Variants in CFAP44 observed in about 807,000 individuals in gnomAD.
CFAP44 encodes the protein cilia- and flagella-associated protein 44.
Under a neutral mutation model 216.2 loss-of-function variants are expected in CFAP44, and 134 were observed. The observed-to-expected ratio is 0.62, with a 90% CI of 0.54 to 0.72. CFAP44 has a LOEUF of 0.72. Among genes scored for constraint, CFAP44 ranks in the 30% least tolerant of loss-of-function variants. CFAP44 has a pLI of 0.00. For synonymous variants in CFAP44, 700 were observed against 727.6 expected, an observed-to-expected ratio of 0.96 and a Z score of 0.61; for missense variants, 2,035 against 2,182.1, an observed-to-expected ratio of 0.93 and a Z score of 1.34.
chr3:113,419,901 G>C, intron 5 of CFAP44, 116 bp downstream of exon 5: 1 of 1,062,606 alleles, frequency 9.4e-7, no homozygotes, highest in South Asian at 1.9e-5. Flanking sequence ...TGCATCTCAT[G>C]TGAACCCACA....
At chr3:113,425,048 G>GA (rs948488555) in intron 4 of CFAP44, among the ~76,000 whole-genome samples, 2 of 151,030 alleles carry the variant, frequency 1.3e-5, no homozygotes, top group East Asian at 1.9e-4. Flanking sequence ...TCCCATTTGG[G>GA]AAAAAAAGGC....
At position 113,427,050 on chromosome 3, in the gene CFAP44, G is replaced by GT; in HGVS notation, c.253+136dup. ...CTGCTAAAGTACCCTACCAAAATAT[G>GT]TACTTGTCCTTTTATCATTCCCACA... is the stretch of plus-strand genomic sequence containing the variant. On this transcript the variant is annotated intron_variant, in intron 3 of 34. Coordinates refer to ENST00000393845, the MANE Select transcript of CFAP44 (RefSeq NM_001164496.2). 20 of 954,760 alleles carry GT rather than the reference G, an allele frequency of 2.1e-5. No individual in the cohort carries two copies. The South Asian group carries it at 3.2e-4, about 15-fold the overall frequency. The allele number at this position is 954,760 out of a possible 1,614,324, so 59.1% of individuals were successfully genotyped here.
intron 32 of CFAP44, among the ~76,000 whole-genome samples, chr3:113,300,074 T>C (rs1379323151): frequency 3.3e-5 from 5 of 152,176 alleles, no homozygotes; most frequent in African/African-American, 1.2e-4. Flanking sequence ...TGTATGGATC[T>C]GAAGTCATTA....
rs376708807 is a variant in CFAP44 at position 113,357,000 on chromosome 3, C to G, written c.3065+1745G>C. ...AAAATAACTCATGTATATAAATAAC[C>G]AAAGCTCATATCCAGAAGATATACA... On this transcript the variant is annotated intron_variant, in intron 22 of 34. Coordinates refer to ENST00000393845, the MANE Select transcript of CFAP44 (RefSeq NM_001164496.2). Among the ~76,000 whole-genome samples the G allele has an allele frequency of 2.6e-5, 4 of 152,022 alleles. No individual in the cohort carries two copies. In the East Asian group the frequency reaches 7.7e-4, roughly 29 times the overall value.
chr3:113,394,004 C>T (rs1046074676), intron 15 of CFAP44, among the ~76,000 whole-genome samples: 2 of 152,168 alleles, frequency 1.3e-5, no homozygotes, highest in African/African-American at 2.4e-5. Flanking sequence ...TATAGCCATA[C>T]AAATAAACTA....
rs184213667 is a variant in CFAP44, at chr3:113,418,195, C to A, written c.571-1568G>T. On this transcript the variant is annotated intron_variant, in intron 5 of 34. Coordinates refer to ENST00000393845, the MANE Select transcript of CFAP44 (RefSeq NM_001164496.2). Reference sequence around the variant, plus strand: ...CTCTGCCTCCCAGGCTCAAGCAATTCTCGTGCCTCAGCCTCCCAAGTAGCT... The same window carrying A: ...CTCTGCCTCCCAGGCTCAAGCAATTATCGTGCCTCAGCCTCCCAAGTAGCT... Among the ~76,000 whole-genome samples the A allele has an allele frequency of 3.3e-5, 5 of 152,132 alleles. No individual in the cohort carries two copies. In the South Asian group the frequency reaches 8.3e-4, roughly 25 times the overall value.
chr3:113,367,403 C>T (rs556440488), intron 18 of CFAP44, among the ~76,000 whole-genome samples: 19 of 152,260 alleles, frequency 1.2e-4, no homozygotes, highest in South Asian at 4.2e-4. Context: ...CAATATTTGC[C>T]ATTCTGCAGC....
intron 2 of CFAP44, chr3:113,427,569 C>T (rs1205805650): frequency 2.5e-6 from 1 of 402,132 alleles, no homozygotes; most frequent in African/African-American, 2.1e-5. Flanking sequence ...TATTTCCTAT[C>T]ATTAAATACT....
chr3:113,421,630 T>C (rs1490486195), intron 4 of CFAP44, among the ~76,000 whole-genome samples: 1 of 152,212 alleles, frequency 6.6e-6, no homozygotes, highest in Non-Finnish European at 1.5e-5. Context: ...ATGTGGCATA[T>C]ATACACCATG....
At position 113,329,695 on chromosome 3, in the gene CFAP44, A is replaced by G. The variant is rs1409031589; in HGVS notation, c.4116+473T>C. ...TAGTCGCCATTCCAGCTCCAGAACA[A>G]TCTCAAACCCAGTAATCACCATAAA... On this transcript the variant is annotated intron_variant, in intron 26 of 34. Coordinates refer to ENST00000393845, the MANE Select transcript of CFAP44 (RefSeq NM_001164496.2). Among the ~76,000 whole-genome samples, 4 of 152,308 alleles carry G rather than the reference A, an allele frequency of 2.6e-5. No individual in the cohort carries two copies. The East Asian group carries it at 7.7e-4, about 29-fold the overall frequency.
chr3:113,397,564 G>C (rs1934022899), intron 13 of CFAP44, among the ~76,000 whole-genome samples: 1 of 152,204 alleles, frequency 6.6e-6, no homozygotes, highest in Non-Finnish European at 1.5e-5. Flanking sequence ...GAGGTGGTTT[G>C]GATAGGATGC....
intron 23 of CFAP44, among the ~76,000 whole-genome samples, chr3:113,342,967 G>C (rs73235065): frequency 0.19 from 28,044 of 150,504 alleles, 3,140 homozygotes; most frequent in East Asian, 0.42. Flanking sequence ...GTGGGGAACA[G>C]AGAGAGACTC....
rs571723045 is a variant in CFAP44, at chr3:113,395,589, C to A, written c.1890+161G>T. On this transcript the variant is annotated intron_variant, in intron 15 of 34. Transcript: ENST00000393845. ...TCCTGAGTGATGCTCTACGGGCCAACCCCAGCAGCAGCCACCTGAGCTTTC... is the reference window on the plus strand; with the variant it reads ...TCCTGAGTGATGCTCTACGGGCCAAACCCAGCAGCAGCCACCTGAGCTTTC... 3.9e-5 allele frequency among the ~76,000 whole-genome samples: 6 copies of A among 152,282 alleles called. No homozygotes were observed. In the East Asian group the frequency reaches 1.2e-3, roughly 29 times the overall value.
chr3:113,331,156 T>C (rs963287872), intron 25 of CFAP44, among the ~76,000 whole-genome samples: 3 of 152,192 alleles, frequency 2.0e-5, no homozygotes, highest in African/African-American at 7.2e-5. Flanking sequence ...ATGATTATTG[T>C]TAGTCCTTGT....
chr3:113,301,488 T>C (rs989913839), intron 32 of CFAP44, among the ~76,000 whole-genome samples: 1 of 152,152 alleles, frequency 6.6e-6, no homozygotes, highest in Non-Finnish European at 1.5e-5. Context: ...ACTGCTTATA[T>C]GTATGTTCCA....
chr3:113,378,746 C>G (rs1576579997), intron 17 of CFAP44, among the ~76,000 whole-genome samples: 1 of 152,228 alleles, frequency 6.6e-6, no homozygotes, highest in Middle Eastern at 3.4e-3. Flanking sequence ...GTACTTTCTT[C>G]CTAATATCCA....
chr3:113,340,888 T>C (rs966618017), intron 24 of CFAP44, among the ~76,000 whole-genome samples: 1 of 152,164 alleles, frequency 6.6e-6, no homozygotes, highest in African/African-American at 2.4e-5. Flanking sequence ...AGAGTGGAAG[T>C]AGCTCTCCAC....
chr3:113,401,623 T>C lies in CFAP44; in HGVS notation c.1287A>G (p.Ile429Met), dbSNP rs971725838. The C allele has an allele frequency of 3.1e-6, 5 of 1,613,406 alleles. No individual in the cohort carries two copies. Among genetic ancestry groups the C allele is most frequent in the Non-Finnish European group, 4.2e-6 (5 of 1,179,714 alleles). Reference sequence around the variant, plus strand: ...AGTTATTTCCAGTTTCATTCATTTTTATCATAGAGAAGAGATTCACATTCT... The same window carrying C: ...AGTTATTTCCAGTTTCATTCATTTTCATCATAGAGAAGAGATTCACATTCT... ...VDKNVNLFSMIKMNETGNNFW... is the reference protein window; with the variant it reads ...VDKNVNLFSMMKMNETGNNFW... Residue 429 changes from isoleucine to methionine, a missense_variant, in exon 10 of 35, where the codon ATA (isoleucine) becomes ATG (methionine). Ile to Met is a conservative substitution (Grantham distance 10). Transcript: ENST00000393845.
chr3:113,433,621 A>C lies in CFAP44; in HGVS notation c.44T>G (p.Val15Gly). 6.2e-7 allele frequency: 1 copy of C among 1,613,328 alleles called. No homozygotes were observed. Among genetic ancestry groups the C allele is most frequent in the Non-Finnish European group, 8.5e-7 (1 of 1,179,872 alleles). Reference sequence around the variant, plus strand: ...CTTCTTCCCATCACTCTTTGATGTAACTGATTTCTCCCCATCAGTATCCTG... The same window carrying C: ...CTTCTTCCCATCACTCTTTGATGTACCTGATTTCTCCCCATCAGTATCCTG... ...DDQDTDGEKSVTSKSDGKKSL... is the reference protein window; with the variant it reads ...DDQDTDGEKSGTSKSDGKKSL... Residue 15 changes from valine (V) to glycine (G), a missense_variant, in exon 2 of 35, where the codon GTT becomes GGT. This residue lies in a region of CFAP44 where 149 missense variants were observed against 141.8 expected (regional missense o/e 1.05). Coordinates refer to ENST00000393845, the MANE Select transcript of CFAP44 (RefSeq NM_001164496.2).
Sources: gnomAD v4.1 joint callset for allele counts (sites outside exome capture counted in the v4.1 genomes callset) on GRCh38, gnomAD v4.1.1 for gene constraint, gnomAD v4.1.1 regional missense constraint, MANE v1.5 for transcripts, NCBI Gene and HGNC (gene_info 2026-07-23, HGNC 2026-07-21) for gene names.